Variants in COL4A6 observed in about 807,000 individuals in gnomAD.
COL4A6 encodes collagen alpha-6(IV) chain.
Under a neutral mutation model 126.7 loss-of-function variants are expected in COL4A6, and 59 were observed. The ratio of observed to expected loss-of-function variants is 0.47; its 90% confidence interval spans 0.38 to 0.58. The LOEUF (loss-of-function observed/expected upper bound fraction) is 0.58, where lower values mean the gene tolerates loss of function less well. Ranked by LOEUF, COL4A6 falls within the 20% of genes least tolerant of loss-of-function variation. COL4A6 has a pLI of 0.00. For synonymous variants in COL4A6, 547 were observed against 496.6 expected, an observed-to-expected ratio of 1.10 and a Z score of -1.35; for missense variants, 1,285 against 1,337.3, an observed-to-expected ratio of 0.96 and a Z score of 0.61.
chrX:108,300,323 TCA>T (rs760258619), intron 3 of COL4A6, among the ~76,000 whole-genome samples: 5 of 109,627 alleles, frequency 4.6e-5, no homozygotes, highest in Non-Finnish European at 7.6e-5. Flanking sequence ...GAAGACTAGG[TCA>T]CATCATCAAA....
chrX:108,390,477 G>A (rs777485167), intron 2 of COL4A6, among the ~76,000 whole-genome samples: 1 of 107,958 alleles, frequency 9.3e-6, no homozygotes, highest in Non-Finnish European at 1.9e-5. Flanking sequence ...ATTTCATTGA[G>A]TTGATCTTCA....
Position 108,261,241 on chromosome X carries a change from A to G in COL4A6, c.145-39867T>C, listed in dbSNP as rs926307916. 5.4e-5 allele frequency among the ~76,000 whole-genome samples: 6 copies of G among 112,073 alleles called. No individual in the cohort carries two copies. In the East Asian group the frequency reaches 8.4e-4, roughly 16 times the overall value. Reference sequence around the variant, plus strand: ...ACATTAGCCACATTTTAAATGCTCAATAGCTACATATGGCTAGAGGCTACT... The same window carrying G: ...ACATTAGCCACATTTTAAATGCTCAGTAGCTACATATGGCTAGAGGCTACT... On this transcript the variant is annotated intron_variant, in intron 3 of 44. Transcript: ENST00000334504.
intron 2 of COL4A6, among the ~76,000 whole-genome samples, chrX:108,352,621 C>T (rs1367816779): frequency 8.9e-6 from 1 of 112,397 alleles, no homozygotes; most frequent in Admixed American, 9.4e-5. Flanking sequence ...ACAGCATAAA[C>T]CTATACACAT....
chrX:108,180,688 T>G, intron 24 of COL4A6, 66 bp from the exon 25 acceptor site: 2 of 926,332 alleles, frequency 2.2e-6, no homozygotes, highest in South Asian at 4.7e-5. Context: ...ATTTGTGATG[T>G]TCAGTCAAGA....
chrX:108,378,488 G>C (rs1029934663), intron 2 of COL4A6, among the ~76,000 whole-genome samples: 1 of 112,236 alleles, frequency 8.9e-6, no homozygotes, highest in African/African-American at 3.2e-5. Context: ...GGAAATTAGA[G>C]GAAATTTTAA....
intron 23 of COL4A6, among the ~76,000 whole-genome samples, chrX:108,185,479 T>C (rs2034832738): frequency 9.0e-6 from 1 of 111,340 alleles, no homozygotes; most frequent in African/African-American, 3.3e-5. Context: ...TCTTGAATTA[T>C]CAAGTTTTAA....
chrX:108,256,326 A>G (rs2147699792), intron 3 of COL4A6, among the ~76,000 whole-genome samples: 1 of 112,053 alleles, frequency 8.9e-6, no homozygotes, highest in African/African-American at 3.2e-5. Context: ...ATGGGCTTAA[A>G]TGTTTCTTAC....
At chrX:108,172,675 G>A (rs961169254) in intron 31 of COL4A6, 143 bp from the exon 32 acceptor site, 1 of 421,149 alleles carries the variant, frequency 2.4e-6, no homozygotes, top group Admixed American at 3.7e-5. Context: ...GCTGGAAGTG[G>A]GGATGTTATG....
chrX:108,407,003 C>CA (rs2041220501), intron 2 of COL4A6, among the ~76,000 whole-genome samples: 1 of 111,949 alleles, frequency 8.9e-6, no homozygotes, highest in South Asian at 3.7e-4. Flanking sequence ...ATTCTTTAAG[C>CA]AATGGCAATC....
In COL4A6 at chrX:108,190,588, G is replaced by A. The variant is rs2035008690; in HGVS notation, c.1322-92C>T. The A allele has an allele frequency of 5.8e-6, 3 of 517,502 alleles. No homozygotes were observed. The Admixed American group carries it at 9.4e-5, about 16-fold the overall frequency. The allele number at this position is 517,502 out of a possible 1,213,427, so 42.6% of individuals were successfully genotyped here. On this transcript the variant is annotated intron_variant, in intron 19 of 44. Coordinates refer to ENST00000334504, the MANE Select transcript of COL4A6 (RefSeq NM_033641.4). Reference sequence around the variant, plus strand: ...CAGCAGCTCAATCACCAAGGCCCAAGTCCTTGAGGCTGAACAACAGAGCAG... The same window carrying A: ...CAGCAGCTCAATCACCAAGGCCCAAATCCTTGAGGCTGAACAACAGAGCAG...
chrX:108,323,110 A>G (rs145262911), intron 2 of COL4A6, among the ~76,000 whole-genome samples: 3,462 of 111,482 alleles, frequency 0.031, 125 homozygotes, highest in African/African-American at 0.11. Context: ...TAATTGAGTC[A>G]CTCCTACTCA....
intron 3 of COL4A6, among the ~76,000 whole-genome samples, chrX:108,304,459 A>C (rs1370820569): frequency 9.0e-6 from 1 of 111,203 alleles, no homozygotes; most frequent in East Asian, 2.8e-4. Context: ...CTCTGCTCAG[A>C]CGTTACTTCC....
chrX:108,271,870 A>G (rs1382536753), intron 3 of COL4A6, among the ~76,000 whole-genome samples: 1 of 112,090 alleles, frequency 8.9e-6, no homozygotes, highest in Non-Finnish European at 1.9e-5. Context: ...TCCATTCCTC[A>G]TCCAGCTACC....
chrX:108,220,088 C>T (rs1403258183), intron 4 of COL4A6, among the ~76,000 whole-genome samples: 2 of 111,630 alleles, frequency 1.8e-5, no homozygotes, highest in Non-Finnish European at 3.8e-5. Context: ...CAGATAAGGT[C>T]CCCTAGCCGA....
chrX:108,276,196 T>C (rs1267637716), intron 3 of COL4A6, among the ~76,000 whole-genome samples: 2 of 113,084 alleles, frequency 1.8e-5, no homozygotes, highest in African/African-American at 6.4e-5. Flanking sequence ...TCCAGACCTA[T>C]GTCTTAAACA....
At chrX:108,242,433 G>A (rs1204619671) in intron 3 of COL4A6, among the ~76,000 whole-genome samples, 1 of 111,575 alleles carries the variant, frequency 9.0e-6, no homozygotes, top group Admixed American at 9.5e-5. Context: ...GGAGCCCAGA[G>A]AAACACCACC....
Position 108,238,456 on chromosome X carries a change from A to G in COL4A6, c.145-17082T>C, listed in dbSNP as rs777407768. On this transcript the variant is annotated intron_variant, in intron 3 of 44. Transcript: ENST00000334504. ...TTGCTGTCTTTGGGTTATAGATCAC[A>G]TTCTATTTCTCATTCTTGCTCAAGA... Among the ~76,000 whole-genome samples, 19 of 109,988 alleles carry G rather than the reference A, an allele frequency of 1.7e-4. No homozygotes were observed. In the East Asian group the frequency reaches 3.7e-3, roughly 22 times the overall value.
At chrX:108,274,154 C>T (rs1257380483) in intron 3 of COL4A6, among the ~76,000 whole-genome samples, 1 of 111,470 alleles carries the variant, frequency 9.0e-6, no homozygotes, top group Non-Finnish European at 1.9e-5. Flanking sequence ...ATAAGTGCCA[C>T]TGAAAAGCTG....
At chrX:108,321,621 T>C (rs1414905622) in intron 2 of COL4A6, among the ~76,000 whole-genome samples, 1 of 111,384 alleles carries the variant, frequency 9.0e-6, no homozygotes, top group Non-Finnish European at 1.9e-5. Flanking sequence ...ATCCTGAGTT[T>C]CAGACAGTTG....
Sources: gnomAD v4.1 joint callset for allele counts (sites outside exome capture counted in the v4.1 genomes callset) on GRCh38, gnomAD v4.1.1 for gene constraint, MANE v1.5 for transcripts, NCBI Gene and HGNC (gene_info 2026-07-23, HGNC 2026-07-21) for gene names.